Variants in RPH3AL observed in about 807,000 individuals in gnomAD.
RPH3AL encodes rab effector Noc2.
A neutral mutation model predicts 43.1 loss-of-function variants in RPH3AL; 38 were observed. That is an observed-to-expected ratio of 0.88 (90% confidence interval 0.68 to 1.15). The LOEUF is 1.15. RPH3AL is among the 50% of genes most tolerant of loss of function. RPH3AL has a pLI of 0.00. For missense variants in RPH3AL, 462 were observed against 423.2 expected, an observed-to-expected ratio of 1.09 and a Z score of -0.81; for synonymous variants, 189 against 176.3, an observed-to-expected ratio of 1.07 and a Z score of -0.57.
At chr17:226,310 C>T (rs1358392347) in intron 7 of RPH3AL, among the ~76,000 whole-genome samples, 2 of 151,880 alleles carry the variant, frequency 1.3e-5, no homozygotes, top group Non-Finnish European at 2.9e-5. Context: ...GAGACAGACT[C>T]ATCTCATTAG....
At chr17:232,342 G>C (rs8075208) in intron 7 of RPH3AL, among the ~76,000 whole-genome samples, 45,927 of 152,144 alleles carry the variant, frequency 0.3, 7,350 homozygotes, top group Non-Finnish European at 0.35. Context: ...CAGCGCCCAG[G>C]ACAGCCTGCA....
chr17:291,811 A>T (rs2043054581), intron 5 of RPH3AL, among the ~76,000 whole-genome samples: 1 of 152,278 alleles, frequency 6.6e-6, no homozygotes, highest in South Asian at 2.1e-4. Flanking sequence ...CGTTGGAAAC[A>T]GTCTGCATAG....
chr17:317,267 C>G (rs201030098), intron 5 of RPH3AL, among the ~76,000 whole-genome samples: 3 of 151,514 alleles, frequency 2.0e-5, no homozygotes, highest in African/African-American at 7.3e-5. Flanking sequence ...TCCCTGTGCC[C>G]CACCTCCATT....
At chr17:325,304 GACA>G (rs1261875128) in intron 3 of RPH3AL, among the ~76,000 whole-genome samples, 2 of 152,142 alleles carry the variant, frequency 1.3e-5, no homozygotes, top group Non-Finnish European at 2.9e-5. Flanking sequence ...ATTATTACGA[GACA>G]ACATGAAACC....
intron 3 of RPH3AL, among the ~76,000 whole-genome samples, chr17:325,112 C>G (rs2151705900): frequency 6.6e-6 from 1 of 152,350 alleles, no homozygotes; most frequent in South Asian, 2.1e-4. Context: ...CCGCCCGCCT[C>G]AGCCTCCCAA....
chr17:337,435 G>A (rs1343994623), intron 1 of RPH3AL, among the ~76,000 whole-genome samples: 2 of 152,092 alleles, frequency 1.3e-5, no homozygotes, highest in Admixed American at 6.6e-5. Context: ...ACCGCCTCAC[G>A]GCATAAGGCT....
chr17:324,540 T>C (rs906353529), intron 3 of RPH3AL, among the ~76,000 whole-genome samples: 2 of 152,170 alleles, frequency 1.3e-5, no homozygotes, highest in African/African-American at 2.4e-5. Flanking sequence ...CCCTCGTCTC[T>C]CAGCTCACCA....
chr17:247,381 T>C, intron 6 of RPH3AL, 96 bp from the exon 7 acceptor site: 2 of 1,303,958 alleles, frequency 1.5e-6, no homozygotes, highest in Non-Finnish European at 2.1e-6. Context: ...CGCGGAGAGC[T>C]AGGAGCAGAG....
In RPH3AL at chr17:290,951, G is replaced by A. The variant is rs371615376; in HGVS notation, c.352-9097C>T. Reference sequence around the variant, plus strand: ...GAAAAGGGTGAAACTGCGCTCAAACGTCCTGTACAAGGAGGCCTGGACCAT... The same window carrying A: ...GAAAAGGGTGAAACTGCGCTCAAACATCCTGTACAAGGAGGCCTGGACCAT... On this transcript the variant is annotated intron_variant, in intron 5 of 9. Coordinates refer to ENST00000331302, the MANE Select transcript of RPH3AL (RefSeq NM_006987.4). The surrounding 1 kb of genome is among the most constrained non-coding windows in gnomAD (Gnocchi z 4.2). 4.6e-5 allele frequency among the ~76,000 whole-genome samples: 7 copies of A among 152,104 alleles called. No homozygotes were observed. In the East Asian group the frequency reaches 9.6e-4, roughly 21 times the overall value.
intron 1 of RPH3AL, among the ~76,000 whole-genome samples, chr17:352,320 G>A (rs976968437): frequency 2.0e-5 from 3 of 152,294 alleles, no homozygotes; most frequent in Non-Finnish European, 4.4e-5. Flanking sequence ...TGCTGCTAGC[G>A]CACAACCCCT....
intron 1 of RPH3AL, among the ~76,000 whole-genome samples, chr17:335,195 G>A (rs1202561285): frequency 6.6e-6 from 1 of 152,174 alleles, no homozygotes; most frequent in African/African-American, 2.4e-5. Flanking sequence ...TGACAAAGGG[G>A]GCCCGGGTAT....
chr17:263,878 C>T (rs34427628), intron 6 of RPH3AL, among the ~76,000 whole-genome samples: 10,420 of 152,216 alleles, frequency 0.068, 526 homozygotes, highest in East Asian at 0.19. Context: ...CCTAACCGCC[C>T]GGAGTCGGAA....
At chr17:309,558 T>A (rs1363843981) in intron 5 of RPH3AL, among the ~76,000 whole-genome samples, 1 of 121,266 alleles carries the variant, frequency 8.2e-6, no homozygotes, top group Non-Finnish European at 1.7e-5. Flanking sequence ...GGGTCCGGGA[T>A]ATGGCACGTC....
intron 6 of RPH3AL, among the ~76,000 whole-genome samples, chr17:263,908 G>C (rs1007482467): frequency 2.0e-5 from 3 of 152,134 alleles, no homozygotes; most frequent in Non-Finnish European, 4.4e-5. Flanking sequence ...TGGGCACCTC[G>C]ACGGGTTTTC....
chr17:313,392 C>T (rs368168646), intron 5 of RPH3AL, among the ~76,000 whole-genome samples: 1 of 152,242 alleles, frequency 6.6e-6, no homozygotes, highest in African/African-American at 2.4e-5. Flanking sequence ...ATGGGCCATC[C>T]GGCCGCTCAC....
At position 327,473 on chromosome 17, in the gene RPH3AL, C is replaced by T. The variant is rs766858487; in HGVS notation, c.71G>A (p.Arg24Gln). ...GGGCCCCAGAGGTACTCACTTGGCT[C>T]GAAGGGCAAGCTGCCGGTCATTGGG... ...VCPNDRQLAL[R>Q]AKLQTGWSVH... is the part of the protein sequence containing the mutation. The change falls in exon 3 of 10, where the codon CGA (arginine) becomes CAA (glutamine). Residue 24 changes from arginine to glutamine, a missense_variant. By Grantham distance (43) the Arg-to-Gln change is conservative. Coordinates refer to ENST00000331302, the MANE Select transcript of RPH3AL (RefSeq NM_006987.4). 1.7e-5 allele frequency: 27 copies of T among 1,613,666 alleles called. No individual in the cohort carries two copies. Among genetic ancestry groups the T allele is most frequent in the South Asian group, 4.4e-5 (4 of 91,072 alleles).
At chr17:315,610 C>CTGTAG (rs1598097304) in intron 5 of RPH3AL, among the ~76,000 whole-genome samples, 30 of 129,844 alleles carry the variant, frequency 2.3e-4, no homozygotes, top group African/African-American at 5.9e-4. Flanking sequence ...CTCCACTGAA[C>CTGTAG]TCTAGTCCCT....
intron 5 of RPH3AL, among the ~76,000 whole-genome samples, chr17:294,246 G>C (rs573267670): frequency 2.0e-3 from 304 of 151,854 alleles, no homozygotes; most frequent in Non-Finnish European, 3.5e-3. Flanking sequence ...TGGACCACTT[G>C]AGCCCAGGTG....
chr17:238,503 G>A (rs892597501), intron 7 of RPH3AL, among the ~76,000 whole-genome samples: 13 of 152,190 alleles, frequency 8.5e-5, no homozygotes, highest in African/African-American at 3.1e-4. Flanking sequence ...TCCGCGCGTA[G>A]TGACTCCAGC....
Sources: allele counts gnomAD v4.1 joint callset (sites outside exome capture counted in the v4.1 genomes callset), GRCh38; gene constraint gnomAD v4.1.1; non-coding constraint Gnocchi (gnomAD v3.1); transcripts MANE v1.5; gene names NCBI Gene and HGNC (gene_info 2026-07-23, HGNC 2026-07-21).